PHACTR1: variants seen among roughly 807,000 people sequenced by gnomAD.
PHACTR1 encodes phosphatase and actin regulator 1.
A neutral mutation model predicts 69.2 loss-of-function variants in PHACTR1; 16 were observed. The observed-to-expected ratio is 0.23, with a 90% confidence interval of 0.16 to 0.35. The LOEUF is 0.35. PHACTR1 is among the 10% of genes least tolerant of loss of function. The pLI, the probability that PHACTR1 is intolerant of heterozygous loss-of-function variation, is 1.00. For synonymous variants in PHACTR1, 312 were observed against 284.5 expected, an observed-to-expected ratio of 1.10 and a Z score of -0.97; for missense variants, 510 against 734.7, an observed-to-expected ratio of 0.69 and a Z score of 3.54.
chr6:12,946,700 G>A (rs563592097), intron 4 of PHACTR1, among the ~76,000 whole-genome samples: 28 of 151,882 alleles, frequency 1.8e-4, no homozygotes, highest in Non-Finnish European at 4.1e-4. Flanking sequence ...CTTAGAGTAA[G>A]TGGTATTGCA....
chr6:13,109,934 C>G (rs1170528743), intron 5 of PHACTR1, among the ~76,000 whole-genome samples: 4 of 151,242 alleles, frequency 2.6e-5, no homozygotes, highest in Non-Finnish European at 4.4e-5. Flanking sequence ...TTCATATTGT[C>G]TAATCTGTTA....
At chr6:12,873,570 A>G (rs566375428) in intron 4 of PHACTR1, among the ~76,000 whole-genome samples, 18 of 152,296 alleles carry the variant, frequency 1.2e-4, no homozygotes, top group African/African-American at 4.1e-4. Context: ...GTTTTACATC[A>G]GGTGTTCATG....
At chr6:12,960,298 G>A (rs1201526745) in intron 4 of PHACTR1, among the ~76,000 whole-genome samples, 2 of 152,222 alleles carry the variant, frequency 1.3e-5, no homozygotes, top group African/African-American at 4.8e-5. Context: ...ATCATTTATG[G>A]TGTCTAGTGA....
At chr6:12,769,380 A>G (rs1769089708) in intron 4 of PHACTR1, among the ~76,000 whole-genome samples, 1 of 152,224 alleles carries the variant, frequency 6.6e-6, no homozygotes, top group South Asian at 2.1e-4. Flanking sequence ...AAACATTTTC[A>G]CCTTCTTTCT....
intron 4 of PHACTR1, among the ~76,000 whole-genome samples, chr6:13,037,593 G>A (rs1803498822): frequency 6.6e-6 from 1 of 152,216 alleles, no homozygotes; most frequent in Non-Finnish European, 1.5e-5. Context: ...TTGAAGACTA[G>A]AGTGAGGAGT....
chr6:13,043,646 C>T (rs1804559993), intron 4 of PHACTR1, among the ~76,000 whole-genome samples: 1 of 152,178 alleles, frequency 6.6e-6, no homozygotes, highest in Non-Finnish European at 1.5e-5. Flanking sequence ...TCTATATGGT[C>T]CATAAAGCCT....
At chr6:13,027,810 G>A (rs1361934883) in intron 4 of PHACTR1, among the ~76,000 whole-genome samples, 2 of 152,044 alleles carry the variant, frequency 1.3e-5, no homozygotes, top group Non-Finnish European at 2.9e-5. Context: ...CAAGCACCTG[G>A]GATTACAGGC....
intron 4 of PHACTR1, among the ~76,000 whole-genome samples, chr6:12,800,391 T>G (rs1222977544): frequency 6.6e-6 from 1 of 152,298 alleles, no homozygotes; most frequent in East Asian, 1.9e-4. Flanking sequence ...ACTAACTTTA[T>G]TTTTTCAGTA....
chr6:12,930,490 A>G (rs1788749528), intron 4 of PHACTR1, among the ~76,000 whole-genome samples: 1 of 152,214 alleles, frequency 6.6e-6, no homozygotes, highest in Admixed American at 6.5e-5. Context: ...AGAATTGTGT[A>G]CAGCGTTGCC....
intron 3 of PHACTR1, among the ~76,000 whole-genome samples, chr6:12,721,941 G>A (rs9472428): frequency 0.32 from 48,765 of 152,102 alleles, 8,685 homozygotes; most frequent in Middle Eastern, 0.48. Flanking sequence ...CCGAGGACCA[G>A]TGAAGGAGGG....
chr6:12,834,291 A>G (rs1300961088), intron 4 of PHACTR1, among the ~76,000 whole-genome samples: 1 of 152,112 alleles, frequency 6.6e-6, no homozygotes, highest in Non-Finnish European at 1.5e-5. Context: ...AAGTAATTGT[A>G]TTTTGTCAAC....
intron 3 of PHACTR1, among the ~76,000 whole-genome samples, chr6:12,743,103 T>A (rs551187700): frequency 2.0e-4 from 31 of 152,102 alleles, no homozygotes; most frequent in Middle Eastern, 3.4e-3. Context: ...GCATTACCCA[T>A]TCCCTTTCGT....
chr6:13,095,411 C>G (rs1477685057), intron 5 of PHACTR1, among the ~76,000 whole-genome samples: 1 of 152,164 alleles, frequency 6.6e-6, no homozygotes, highest in East Asian at 1.9e-4. Flanking sequence ...CTTTTGTTCA[C>G]TTTTAGGTGA....
At chr6:13,182,385 C>T in intron 6 of PHACTR1, 134 bp from the exon 7 acceptor site, 1 of 1,033,790 alleles carries the variant, frequency 9.7e-7, no homozygotes, top group Non-Finnish European at 1.5e-6. Context: ...GTCTTAAAAG[C>T]AAAATAACAG....
chr6:12,971,540 G>T (rs1407198366), intron 4 of PHACTR1, among the ~76,000 whole-genome samples: 1 of 152,200 alleles, frequency 6.6e-6, no homozygotes, highest in Non-Finnish European at 1.5e-5. Flanking sequence ...ATGAGTCCAT[G>T]TATACGAAAT....
intron 4 of PHACTR1, among the ~76,000 whole-genome samples, chr6:13,032,978 A>T (rs1802691812): frequency 6.6e-6 from 1 of 152,124 alleles, no homozygotes; most frequent in Non-Finnish European, 1.5e-5. Flanking sequence ...GGAAGTCTCG[A>T]TTTTGTAAAA....
In PHACTR1 at chr6:12,995,646, G is replaced by T. The variant is rs570656713; in HGVS notation, c.251-57719G>T. On this transcript the variant is annotated intron_variant, in intron 4 of 14. Transcript: ENST00000332995. ...AATAATTATGTATTAATACTTAATG[G>T]TAAATGATTAATACTTAATGATTTC... 3.3e-5 allele frequency among the ~76,000 whole-genome samples: 5 copies of T among 152,020 alleles called. No homozygotes were observed. In the South Asian group the frequency reaches 1.0e-3, roughly 32 times the overall value.
At chr6:13,263,793 C>T (rs1304726093) in intron 10 of PHACTR1, among the ~76,000 whole-genome samples, 2 of 152,172 alleles carry the variant, frequency 1.3e-5, no homozygotes, top group African/African-American at 2.4e-5. Context: ...ATTCAGGAGG[C>T]ATCTTGACTT....
chr6:13,028,046 C>T (rs1018279088), intron 4 of PHACTR1, among the ~76,000 whole-genome samples: 1 of 152,160 alleles, frequency 6.6e-6, no homozygotes, highest in African/African-American at 2.4e-5. Context: ...TGTCTCAGAG[C>T]CCCTGGTGTG....
Sources: allele counts gnomAD v4.1 joint callset (sites outside exome capture counted in the v4.1 genomes callset), GRCh38; gene constraint gnomAD v4.1.1; transcripts MANE v1.5; gene names NCBI Gene and HGNC (gene_info 2026-07-23, HGNC 2026-07-21).